SGMS1: variants seen among roughly 807,000 people sequenced by gnomAD.
The protein encoded by SGMS1 is sphingomyelin synthase 1, also known as phosphatidylcholine:ceramide cholinephosphotransferase 1.
A neutral mutation model predicts 46.2 loss-of-function variants in SGMS1; 13 were observed. The observed-to-expected ratio is 0.28, with a 90% CI of 0.18 to 0.45. SGMS1 has a LOEUF of 0.45. SGMS1 is among the 20% of genes least tolerant of loss of function. SGMS1 has a pLI of 1.00. For synonymous variants in SGMS1, 203 were observed against 187.8 expected (o/e 1.08, Z -0.66); for missense variants, 324 against 519.9 (o/e 0.62, Z 3.66).
chr10:50,360,085 G>A (rs529994973), intron 6 of SGMS1, among the ~76,000 whole-genome samples: 9 of 152,120 alleles, frequency 5.9e-5, no homozygotes, highest in Admixed American at 5.2e-4. Flanking sequence ...TTAAAAATAC[G>A]TGTTTCCTTC....
chr10:50,451,427 G>A (rs1383408885), intron 5 of SGMS1, among the ~76,000 whole-genome samples: 1 of 152,106 alleles, frequency 6.6e-6, no homozygotes, highest in Non-Finnish European at 1.5e-5. Context: ...ATTAAAACTT[G>A]AGCATTCTAC....
At chr10:50,522,325 T>C (rs1339032213) in intron 2 of SGMS1, among the ~76,000 whole-genome samples, 1 of 151,856 alleles carries the variant, frequency 6.6e-6, no homozygotes, top group Non-Finnish European at 1.5e-5. Flanking sequence ...TACTTTCTGA[T>C]ATTAAAAAAA....
intron 6 of SGMS1, chr10:50,417,925 T>G (rs1425096452): frequency 2.0e-5 from 3 of 152,270 alleles, no homozygotes; most frequent in Non-Finnish European, 2.9e-5. Flanking sequence ...ATTTGATCAT[T>G]AAAGCAGGAT....
chr10:50,619,476 T>C (rs937115460), intron 1 of SGMS1, among the ~76,000 whole-genome samples: 7 of 152,170 alleles, frequency 4.6e-5, no homozygotes, highest in African/African-American at 1.4e-4. Flanking sequence ...TTTAACAAAA[T>C]ACATACATAT....
At chr10:50,528,994 G>C (rs1421381392) in intron 2 of SGMS1, among the ~76,000 whole-genome samples, 1 of 152,188 alleles carries the variant, frequency 6.6e-6, no homozygotes, top group Non-Finnish European at 1.5e-5. Flanking sequence ...AATTGCTATA[G>C]CTATTCAAAA....
At chr10:50,365,253 ACC>A (rs1848315537) in intron 6 of SGMS1, among the ~76,000 whole-genome samples, 3 of 102,858 alleles carry the variant, frequency 2.9e-5, no homozygotes, top group Non-Finnish European at 2.0e-5. Flanking sequence ...ACTCCATCTC[ACC>A]AAAAAAAAAA....
chr10:50,345,658 C>T (rs944305983), intron 6 of SGMS1, among the ~76,000 whole-genome samples: 1 of 152,102 alleles, frequency 6.6e-6, no homozygotes, highest in Non-Finnish European at 1.5e-5. Context: ...CCAAAATGCT[C>T]CAAAATCCGA....
intron 6 of SGMS1, among the ~76,000 whole-genome samples, chr10:50,348,802 A>G (rs1377364032): frequency 6.6e-6 from 1 of 152,218 alleles, no homozygotes; most frequent in East Asian, 1.9e-4. Context: ...TCTTCACAGA[A>G]CTAGAGAAAC....
At chr10:50,398,453 CAG>C (rs918817431) in intron 6 of SGMS1, among the ~76,000 whole-genome samples, 2 of 152,006 alleles carry the variant, frequency 1.3e-5, no homozygotes, top group African/African-American at 4.8e-5. Flanking sequence ...TTTAATAGTA[CAG>C]AGTTACTTAA....
chr10:50,576,210 C>T (rs563371510), intron 2 of SGMS1, among the ~76,000 whole-genome samples: 1 of 152,286 alleles, frequency 6.6e-6, no homozygotes, highest in East Asian at 1.9e-4. Context: ...AGGCAGCTCA[C>T]CCTGCAGGTG....
At chr10:50,569,988 C>T (rs1034294390) in intron 2 of SGMS1, among the ~76,000 whole-genome samples, 5 of 152,126 alleles carry the variant, frequency 3.3e-5, no homozygotes, top group East Asian at 1.9e-4. Context: ...TTTTCAAGGC[C>T]GCCTGCTGAC....
chr10:50,532,846 A>G (rs890123664), intron 2 of SGMS1, among the ~76,000 whole-genome samples: 6 of 152,230 alleles, frequency 3.9e-5, no homozygotes, highest in African/African-American at 1.2e-4. Flanking sequence ...TGACTGCAGA[A>G]TAGACTGATA....
At chr10:50,332,027 G>C (rs57732866) in intron 7 of SGMS1, among the ~76,000 whole-genome samples, 2 of 152,122 alleles carry the variant, frequency 1.3e-5, no homozygotes, top group African/African-American at 4.8e-5. Context: ...GTTTAGAACC[G>C]CCAGAATCAT....
At chr10:50,616,619 CA>C (rs1838800384) in intron 1 of SGMS1, among the ~76,000 whole-genome samples, 1 of 152,110 alleles carries the variant, frequency 6.6e-6, no homozygotes, top group African/African-American at 2.4e-5. Context: ...CAGGGCCTAC[CA>C]GGGGTGAGTA....
At chr10:50,523,331 G>C (rs2983349) in intron 2 of SGMS1, among the ~76,000 whole-genome samples, 115,882 of 152,110 alleles carry the variant, frequency 0.76, 44,528 homozygotes, top group Non-Finnish European at 0.82. Flanking sequence ...TTTACTTAAA[G>C]ATTTCAAAGA....
chr10:50,470,186 A>G (rs1284957228), intron 3 of SGMS1, among the ~76,000 whole-genome samples: 1 of 152,176 alleles, frequency 6.6e-6, no homozygotes, highest in Non-Finnish European at 1.5e-5. Flanking sequence ...TGTAATAAGA[A>G]ATAAATAATA....
At chr10:50,593,619 T>C (rs1838563100) in intron 1 of SGMS1, among the ~76,000 whole-genome samples, 1 of 152,134 alleles carries the variant, frequency 6.6e-6, no homozygotes, top group African/African-American at 2.4e-5. Context: ...GAGTCAATCA[T>C]TCCTTGGCTC....
chr10:50,411,391 A>G (rs926909160), intron 6 of SGMS1, among the ~76,000 whole-genome samples: 2 of 152,190 alleles, frequency 1.3e-5, no homozygotes, highest in East Asian at 1.9e-4. Flanking sequence ...AAAAGGGGGG[A>G]AAAAAACAAT....
chr10:50,479,048 G>A (rs1381524680), intron 3 of SGMS1, among the ~76,000 whole-genome samples: 2 of 149,256 alleles, frequency 1.3e-5, no homozygotes, highest in African/African-American at 4.9e-5. Context: ...ACCCTTCTTT[G>A]TCTGCAGTTA....
Sources: allele counts gnomAD v4.1 joint callset (sites outside exome capture counted in the v4.1 genomes callset), GRCh38; gene constraint gnomAD v4.1.1; transcripts MANE v1.5; gene names NCBI Gene and HGNC (gene_info 2026-07-23, HGNC 2026-07-21).